Variants in COL5A1 observed in about 807,000 individuals in gnomAD.
The protein encoded by COL5A1 is collagen type V alpha 1 chain.
COL5A1 carries 16 observed loss-of-function variants against 263.7 expected under a neutral mutation model. The ratio of observed to expected loss-of-function variants is 0.06; its 90% CI spans 0.04 to 0.09. COL5A1 has a LOEUF of 0.09. COL5A1 is among the 10% of genes least tolerant of loss of function. The pLI is 1.00. For missense variants in COL5A1, 2,036 were observed against 2,540.5 expected (o/e 0.80, Z 4.27); for synonymous variants, 1,012 against 1,004.5 (o/e 1.01, Z -0.14).
chr9:134,662,452 G>T (rs1016024162), intron 1 of COL5A1, among the ~76,000 whole-genome samples: 1 of 152,258 alleles, frequency 6.6e-6, no homozygotes, highest in Non-Finnish European at 1.5e-5. Context: ...TTTCAGGCCT[G>T]CCGGTGCCAG....
chr9:134,837,839 G>C (rs115422840), intron 65 of COL5A1, among the ~76,000 whole-genome samples: 1 of 152,040 alleles, frequency 6.6e-6, no homozygotes, highest in African/African-American at 2.4e-5. Flanking sequence ...TTCTACATAC[G>C]CAAAACCTGA....
intron 18 of COL5A1, among the ~76,000 whole-genome samples, chr9:134,759,734 A>ACACATG (rs1836208895): frequency 2.1e-5 from 1 of 47,928 alleles, no homozygotes; most frequent in African/African-American, 1.3e-4. Context: ...CCACACTCAT[A>ACACATG]CACACACACC....
chr9:134,833,274 C>G (rs988324392), intron 64 of COL5A1, among the ~76,000 whole-genome samples: 2 of 152,224 alleles, frequency 1.3e-5, no homozygotes, highest in Non-Finnish European at 2.9e-5. Flanking sequence ...AACAGAGATG[C>G]AAAAGTGAGA....
intron 14 of COL5A1, among the ~76,000 whole-genome samples, chr9:134,753,621 T>C (rs1429707147): frequency 1.3e-5 from 2 of 152,154 alleles, no homozygotes; most frequent in African/African-American, 2.4e-5. Flanking sequence ...ACAACTAGAA[T>C]TGTATTCCTG....
Position 134,797,130 on chromosome 9 carries a change from G to A in COL5A1, c.2898+229G>A, listed in dbSNP as rs1240696693. Among the ~76,000 whole-genome samples, 13 of 152,246 alleles carry A rather than the reference G, an allele frequency of 8.5e-5. No homozygotes were observed. In the East Asian group the frequency reaches 2.5e-3, roughly 29 times the overall value. On this transcript the variant is annotated intron_variant, in intron 36 of 65. Coordinates refer to ENST00000371817, the MANE Select transcript of COL5A1 (RefSeq NM_000093.5). Reference sequence around the variant, plus strand: ...GTGGCTGTGTCCCACTGCCGGGCCCGCTGGCACTGGAGAGGGCTGCACGCT... The same window carrying A: ...GTGGCTGTGTCCCACTGCCGGGCCCACTGGCACTGGAGAGGGCTGCACGCT...
At chr9:134,760,022 A>G (rs1261520485) in intron 18 of COL5A1, among the ~76,000 whole-genome samples, 1 of 112,420 alleles carries the variant, frequency 8.9e-6, no homozygotes. Flanking sequence ...ACATGCACAC[A>G]CACCCACGCA....
chr9:134,729,001 A>T lies in COL5A1; in HGVS notation c.924+194A>T, dbSNP rs3128597. On this transcript the variant is annotated intron_variant, in intron 6 of 65. Coordinates refer to ENST00000371817, the MANE Select transcript of COL5A1 (RefSeq NM_000093.5). ...TCACGGGGCGTATCGGGCTTTCCGC[A>T]GTGAGGAGGACGTTGGGAGATGCCA... 2.5e-4 allele frequency among the ~76,000 whole-genome samples: 38 copies of T among 152,196 alleles called. 1 individual carries two copies. Among genetic ancestry groups the T allele is most frequent in the African/African-American group, 2.2e-4 (9 of 41,530 alleles).
At chr9:134,671,362 C>A (rs1000119469) in intron 1 of COL5A1, among the ~76,000 whole-genome samples, 1 of 152,186 alleles carries the variant, frequency 6.6e-6, no homozygotes, top group Non-Finnish European at 1.5e-5. Context: ...TGGGATCTCG[C>A]ACAGTACAGT....
At chr9:134,820,003 C>A (rs961835272) in intron 57 of COL5A1, 113 bp from the exon 58 acceptor site, 1 of 842,826 alleles carries the variant, frequency 1.2e-6, no homozygotes, top group Non-Finnish European at 2.1e-6. Flanking sequence ...GGAGGCTGAC[C>A]ATGATGTAAA....
chr9:134,832,412 AAAAG>A (rs748835556), intron 64 of COL5A1, among the ~76,000 whole-genome samples: 12 of 152,260 alleles, frequency 7.9e-5, no homozygotes, highest in Non-Finnish European at 1.0e-4. Flanking sequence ...TCTCCAAAAA[AAAAG>A]AAAGAAAAAA....
At position 134,728,708 on chromosome 9, in the gene COL5A1, C is replaced by T. The variant is rs771253587; in HGVS notation, c.825C>T (p.Tyr275=). The change falls in exon 6 of 66, where the codon TAC becomes TAT. Residue 275 remains tyrosine, a synonymous_variant. Transcript: ENST00000371817. ...ACGGCGAGGGTGAGACCTATTACTA[C>T]GAATACCCCTACTACGAAGACCCCG... The part of the protein sequence containing the change: ...EGDGEGETYY[Y]EYPYYEDPED... The T allele has an allele frequency of 4.2e-5, 68 of 1,614,078 alleles. No individual in the cohort carries two copies. Among genetic ancestry groups the T allele is most frequent in the South Asian group, 1.8e-4 (16 of 91,096 alleles).
chr9:134,675,694 G>T (rs1056083971), intron 1 of COL5A1, among the ~76,000 whole-genome samples: 1 of 152,206 alleles, frequency 6.6e-6, no homozygotes, highest in Non-Finnish European at 1.5e-5. Flanking sequence ...GGGGCTGGGG[G>T]ATCCATTTCT....
chr9:134,732,898 C>A, intron 9 of COL5A1, among the ~76,000 whole-genome samples: 1 of 152,184 alleles, frequency 6.6e-6, no homozygotes, highest in East Asian at 1.9e-4. Flanking sequence ...CTCAGAGCCA[C>A]TAAGGTCTTG....
intron 6 of COL5A1, among the ~76,000 whole-genome samples, chr9:134,729,239 G>C (rs1051265962): frequency 6.6e-6 from 1 of 152,210 alleles, no homozygotes; most frequent in Non-Finnish European, 1.5e-5. Context: ...CCCCGCTCTG[G>C]GCTGTCATCC....
intron 34 of COL5A1, among the ~76,000 whole-genome samples, chr9:134,795,744 A>G (rs1459856965): frequency 6.6e-6 from 1 of 152,246 alleles, no homozygotes; most frequent in Non-Finnish European, 1.5e-5. Context: ...CCTCATGCAC[A>G]TTCTTCCCAC....
At chr9:134,809,116 A>C in intron 42 of COL5A1, 67 bp from the exon 43 acceptor site, 1 of 1,316,116 alleles carries the variant, frequency 7.6e-7, no homozygotes, top group Non-Finnish European at 1.1e-6. Flanking sequence ...CTCTTGGGTA[A>C]TGAGCTGGTG....
intron 4 of COL5A1, among the ~76,000 whole-genome samples, chr9:134,710,248 G>GC (rs1833976436): frequency 1.3e-5 from 2 of 152,254 alleles, no homozygotes; most frequent in Non-Finnish European, 2.9e-5. Context: ...CTGTGTGCTG[G>GC]CAGGCTCTCC....
chr9:134,827,580 C>T (rs865838395), intron 63 of COL5A1, among the ~76,000 whole-genome samples: 10 of 152,354 alleles, frequency 6.6e-5, no homozygotes, highest in African/African-American at 2.4e-4. Context: ...AAATCACGGG[C>T]CAGACTCCTC....
At chr9:134,769,134 A>G (rs899831479) in intron 25 of COL5A1, among the ~76,000 whole-genome samples, 1 of 152,238 alleles carries the variant, frequency 6.6e-6, no homozygotes, top group Admixed American at 6.5e-5. Flanking sequence ...TGTTTCACAA[A>G]CGAGATTAGC....
Sources: gnomAD v4.1 joint callset for allele counts (sites outside exome capture counted in the v4.1 genomes callset) on GRCh38, gnomAD v4.1.1 for gene constraint, MANE v1.5 for transcripts, NCBI Gene and HGNC (gene_info 2026-07-23, HGNC 2026-07-21) for gene names.